Variants in MAN2C1 observed in about 807,000 individuals in gnomAD.
MAN2C1 encodes alpha-mannosidase 2C1.
MAN2C1 carries 111 observed loss-of-function variants against 126.9 expected under a neutral mutation model. The observed-to-expected ratio is 0.87, with a 90% CI of 0.75 to 1.02. The LOEUF (loss-of-function observed/expected upper bound fraction) is 1.02, where lower values mean the gene tolerates loss of function less well. MAN2C1 is among the 50% of genes least tolerant of loss of function. The pLI is 0.00. For missense variants in MAN2C1, 1,363 were observed against 1,364.4 expected (o/e 1.00, Z 0.02); for synonymous variants, 567 against 561.5 (o/e 1.01, Z -0.14).
Position 75,361,853 on chromosome 15 carries a change from A to G in MAN2C1, c.1101+2T>C. 1.2e-6 allele frequency: 2 copies of G among 1,613,442 alleles called. No individual in the cohort carries two copies. Among genetic ancestry groups the G allele is most frequent in the Non-Finnish European group, 1.7e-6 (2 of 1,179,440 alleles). Reference sequence around the variant, plus strand: ...AGCCTGGTGTAGCAGCTCTCAGCCTACCTCAGAGCACATCTTCCCAAACTC... The same window carrying G: ...AGCCTGGTGTAGCAGCTCTCAGCCTGCCTCAGAGCACATCTTCCCAAACTC... On this transcript the variant is annotated splice_donor_variant, in intron 9 of 25. Coordinates refer to ENST00000267978, the MANE Select transcript of MAN2C1 (RefSeq NM_006715.4). LOFTEE classifies it high-confidence loss of function. The surrounding 1 kb of genome is among the most constrained non-coding windows in gnomAD (Gnocchi z 5.0).
rs953896287 is a variant in MAN2C1 at position 75,364,171 on chromosome 15, G to A, written c.618C>T (p.Asn206=). The change falls in exon 6 of 26, where the codon AAC becomes AAT. Residue 206 remains asparagine (N), a synonymous_variant. Coordinates refer to ENST00000267978, the MANE Select transcript of MAN2C1 (RefSeq NM_006715.4). ...LGIAKGLGKD[N]QRSFQALYTA... ...TGTACAGGGCCTGGAAGCTGCGCTG[G>A]TTGTCCTTCCCGAGGCCCTGCAGCA... 8 of 1,610,576 alleles carry A rather than the reference G, an allele frequency of 5.0e-6. No homozygotes were observed. Among genetic ancestry groups the A allele is most frequent in the African/African-American group, 2.7e-5 (2 of 74,670 alleles).
At chr15:75,358,035 G>A (rs2072372908) in intron 21 of MAN2C1, 166 bp downstream of exon 21, 4 of 838,502 alleles carry the variant, frequency 4.8e-6, no homozygotes, top group South Asian at 1.7e-5. Context: ...AATTACAGGC[G>A]TGAGCCACTG....
chr15:75,357,163 A>C (rs2072340639), intron 21 of MAN2C1: 2 of 453,504 alleles, frequency 4.4e-6, no homozygotes, highest in Admixed American at 3.8e-5. Flanking sequence ...TGTTTTTTTC[A>C]CACAGGATCT....
intron 4 of MAN2C1, chr15:75,365,503 T>C (rs1006138222): frequency 6.4e-6 from 1 of 155,308 alleles, no homozygotes; most frequent in Non-Finnish European, 1.4e-5. Flanking sequence ...GGCAAGTGGA[T>C]AGCCTGAGGT....
At chr15:75,363,073 A>C in intron 6 of MAN2C1, 2 of 410,460 alleles carry the variant, frequency 4.9e-6, no homozygotes, top group Non-Finnish European at 9.4e-6. Context: ...CTGCCCCTGC[A>C]CAAACTTGAT....
At chr15:75,366,013 G>T in intron 4 of MAN2C1, 1 of 403,936 alleles carries the variant, frequency 2.5e-6, no homozygotes, top group Non-Finnish European at 5.0e-6. Context: ...CTTGAACCTG[G>T]GAGGCAGAAG....
intron 4 of MAN2C1, chr15:75,366,006 G>C (rs751865214): frequency 2.4e-6 from 1 of 408,636 alleles, no homozygotes; most frequent in South Asian, 1.7e-5. Flanking sequence ...AGAATCGCTT[G>C]AACCTGGGAG....
At position 75,358,306 on chromosome 15, in the gene MAN2C1, C is replaced by A. The variant is rs755300300; in HGVS notation, c.2442G>T (p.Glu814Asp). 42 of 1,614,192 alleles carry A rather than the reference C, an allele frequency of 2.6e-5. No homozygotes were observed. The highest frequency in any genetic ancestry group is 3.1e-5 in the Non-Finnish European group (36 of 1,180,042). ...GGGAACTCCGCACGCGAGCAGGGAACTCCACCTTCAGGAACTTGTGGGCCT... is the reference window on the plus strand; with the variant it reads ...GGGAACTCCGCACGCGAGCAGGGAAATCCACCTTCAGGAACTTGTGGGCCT... Reference protein sequence around the residue: ...WHEAHKFLKVEFPARVRSSQA... With the variant: ...WHEAHKFLKVDFPARVRSSQA... Residue 814 changes from glutamate (E) to aspartate (D), a missense_variant, in exon 21 of 26, where the codon GAG (glutamate) becomes GAT (aspartate). This residue lies in a region of MAN2C1 where 668 missense variants were observed against 650.1 expected (regional missense o/e 1.03). Transcript: ENST00000267978.
chr15:75,356,573 CT>C lies in MAN2C1; in HGVS notation c.2737+32del, dbSNP rs2072308700. ...GGGAAGGGCAGAGAGGTGTCTAGGG[CT>C]GCAGGAAGGCCCCACCGTCCCCAGC... On this transcript the variant is annotated intron_variant, in intron 23 of 25. Coordinates refer to ENST00000267978, the MANE Select transcript of MAN2C1 (RefSeq NM_006715.4). This position sits in a 1 kb window ranked among gnomAD's most constrained non-coding sequence, Gnocchi z 5.8. 2 of 1,551,534 alleles carry C rather than the reference CT, an allele frequency of 1.3e-6. No individual in the cohort carries two copies. Among genetic ancestry groups the C allele is most frequent in the East Asian group, 4.8e-5 (2 of 41,646 alleles).
intron 12 of MAN2C1, 147 bp downstream of exon 12, chr15:75,360,899 C>T: frequency 8.1e-7 from 1 of 1,229,014 alleles, no homozygotes; most frequent in African/African-American, 1.5e-5. Flanking sequence ...CCACCCACCC[C>T]CAGGGTGGAA....
chr15:75,368,271 G>C, intron 1 of MAN2C1, 73 bp from the exon 2 acceptor site: 2 of 1,528,696 alleles, frequency 1.3e-6, no homozygotes, highest in Non-Finnish European at 1.7e-6. Flanking sequence ...TGGCCGGTGG[G>C]GCCGCACTTT....
Position 75,359,749 on chromosome 15 carries a change from G to A in MAN2C1, c.1819C>T (p.Leu607Phe). 1 of 1,613,972 alleles carries A rather than the reference G, an allele frequency of 6.2e-7. No homozygotes were observed. Among genetic ancestry groups the A allele is most frequent in the Non-Finnish European group, 8.5e-7 (1 of 1,180,034 alleles). The change falls in exon 16 of 26, where the codon CTC becomes TTC. Residue 607 changes from leucine (L) to phenylalanine (F), a missense_variant. By Grantham distance (22) the Leu-to-Phe change is conservative. Around this residue, in one of 3 missense-constraint regions of MAN2C1, gnomAD observed 668 missense variants for 650.1 expected, o/e 1.03. Transcript: ENST00000267978. ...EDIRSHGNTLLSAAAAALCAG... is the reference protein window; with the variant it reads ...EDIRSHGNTLFSAAAAALCAG... ...CACAGGGCTGCGGCTGCAGCGCTGA[G>A]CAGTGTATTGCCATGGGAACGGATG...
chr15:75,356,552 A>C lies in MAN2C1; in HGVS notation c.2737+54T>G. On this transcript the variant is annotated intron_variant, in intron 23 of 25. Coordinates refer to ENST00000267978, the MANE Select transcript of MAN2C1 (RefSeq NM_006715.4). The surrounding 1 kb of genome is among the most constrained non-coding windows in gnomAD (Gnocchi z 5.8). ...GGTTGCTGGGGTTTGGGCTCAGGGA[A>C]GGGCAGAGAGGTGTCTAGGGCTGCA... is the stretch of plus-strand genomic sequence containing the variant. 1 of 1,548,096 alleles carries C rather than the reference A, an allele frequency of 6.5e-7. No individual in the cohort carries two copies. The highest frequency in any genetic ancestry group is 8.7e-7 in the Non-Finnish European group (1 of 1,144,262).
chr15:75,360,254 G>A, intron 13 of MAN2C1, 43 bp from the exon 14 acceptor site: 1 of 1,597,228 alleles, frequency 6.3e-7, no homozygotes, highest in Non-Finnish European at 8.5e-7. Context: ...CTGCTTAGCT[G>A]TCCCAGGACA....
chr15:75,356,275 C>T lies in MAN2C1; in HGVS notation c.2886+26G>A, dbSNP rs373790748. Reference sequence around the variant, plus strand: ...CGAGGGCAGGCCCAGTTCGGAACCCCGTCCCCAGCACGTCCCACCCCTTGC... The same window carrying T: ...CGAGGGCAGGCCCAGTTCGGAACCCTGTCCCCAGCACGTCCCACCCCTTGC... On this transcript the variant is annotated intron_variant, in intron 24 of 25. Transcript: ENST00000267978. This position sits in a 1 kb window ranked among gnomAD's most constrained non-coding sequence, Gnocchi z 5.8. 49 of 1,611,694 alleles carry T rather than the reference C, an allele frequency of 3.0e-5. No individual in the cohort carries two copies. Among genetic ancestry groups the T allele is most frequent in the Middle Eastern group, 1.7e-4 (1 of 6,046 alleles).
chr15:75,359,325 C>T lies in MAN2C1; in HGVS notation c.2046+3G>A, dbSNP rs773614193. On this transcript the variant is annotated splice_donor_region_variant and intron_variant, in intron 17 of 25. Coordinates refer to ENST00000267978, the MANE Select transcript of MAN2C1 (RefSeq NM_006715.4). ...CCTGCCCCCCAGGGCATGCAGGACT[C>T]ACCTCTTGCACTACGAACACAGGCT... 6.3e-7 allele frequency: 1 copy of T among 1,586,004 alleles called. No individual in the cohort carries two copies. The highest frequency in any genetic ancestry group is 1.2e-5 in the South Asian group (1 of 86,620).
At chr15:75,367,784 G>T (rs2072607448) in intron 2 of MAN2C1, 150 bp from the exon 3 acceptor site, 2 of 1,053,064 alleles carry the variant, frequency 1.9e-6, no homozygotes, top group Admixed American at 5.4e-5. Flanking sequence ...GGAGCAACAA[G>T]GTGAGAAGCA....
intron 12 of MAN2C1, 166 bp downstream of exon 12, chr15:75,360,880 G>C (rs1379955685): frequency 8.4e-7 from 1 of 1,185,888 alleles, no homozygotes; most frequent in Non-Finnish European, 1.2e-6. Context: ...ACCAGCTTCA[G>C]CTTCTCCCCC....
rs765944085 is a variant in MAN2C1 at position 75,361,909 on chromosome 15, C to T, written c.1047G>A (p.Gln349=). The T allele has an allele frequency of 1.2e-6, 2 of 1,614,174 alleles. No homozygotes were observed. The highest frequency in any genetic ancestry group is 4.5e-5 in the East Asian group (2 of 44,880). ...GAAAGAAGTTCTGGCCCTGCAAAAA[C>T]TGCCTCACCATGGCCTCTCCACTGG... The part of the protein sequence containing the change: ...NLPSGEAMVR[Q]FLQGQNFFLQ... The change falls in exon 9 of 26, where the codon CAG becomes CAA. Residue 349 remains glutamine, a synonymous_variant. Transcript: ENST00000267978. The surrounding 1 kb of genome is among the most constrained non-coding windows in gnomAD (Gnocchi z 5.0).
Sources: gnomAD v4.1 joint callset for allele counts on GRCh38, gnomAD v4.1.1 for gene constraint, gnomAD v4.1.1 regional missense constraint, Gnocchi (gnomAD v3.1) non-coding constraint, MANE v1.5 for transcripts, NCBI Gene and HGNC (gene_info 2026-07-23, HGNC 2026-07-21) for gene names.